Variants in ARPP21 observed in about 807,000 individuals in gnomAD.
The protein encoded by ARPP21 is cAMP regulated phosphoprotein 21.
In ARPP21, 69 loss-of-function variants were observed where a neutral mutation model predicts 113.2. The observed-to-expected ratio is 0.61, with a 90% confidence interval of 0.50 to 0.74. The LOEUF (loss-of-function observed/expected upper bound fraction) is 0.74, where lower values mean the gene tolerates loss of function less well. Ranked by LOEUF, ARPP21 falls within the 30% of genes least tolerant of loss-of-function variation. The probability of loss-of-function intolerance (pLI) is 0.00; values close to 1 mark genes in which losing one functional copy is unlikely to be tolerated. For missense variants in ARPP21, 1,070 were observed against 1,037.4 expected (o/e 1.03, Z -0.43); for synonymous variants, 368 against 375.5 (o/e 0.98, Z 0.23).
chr3:35,716,555 A>G (rs962072039), intron 12 of ARPP21, among the ~76,000 whole-genome samples: 1 of 152,076 alleles, frequency 6.6e-6, no homozygotes, highest in Non-Finnish European at 1.5e-5. Context: ...AAGTCCATAT[A>G]TATTTAGACA....
At chr3:35,771,288 A>G (rs2096190915) in intron 19 of ARPP21, among the ~76,000 whole-genome samples, 1 of 151,796 alleles carries the variant, frequency 6.6e-6, no homozygotes, top group Non-Finnish European at 1.5e-5. Context: ...CTCTAGAGTT[A>G]AGAAGTTTAT....
chr3:35,696,239 C>T (rs539311730), intron 9 of ARPP21, among the ~76,000 whole-genome samples: 15 of 151,492 alleles, frequency 9.9e-5, no homozygotes, highest in Non-Finnish European at 1.8e-4. Flanking sequence ...AGGCATGGGG[C>T]TGGAACATTT....
intron 11 of ARPP21, among the ~76,000 whole-genome samples, chr3:35,712,215 C>T (rs2091335548): frequency 6.6e-6 from 1 of 152,026 alleles, no homozygotes; most frequent in Non-Finnish European, 1.5e-5. Context: ...GCAAAGAATC[C>T]AGCATAAGGA....
intron 9 of ARPP21, among the ~76,000 whole-genome samples, chr3:35,695,327 C>A (rs892160118): frequency 1.7e-4 from 26 of 151,460 alleles, no homozygotes; most frequent in Admixed American, 4.6e-4. Flanking sequence ...TATACACAGA[C>A]AAAACTTTCC....
At chr3:35,641,142 G>A (rs1012414122) in intron 1 of ARPP21, 12 of 152,212 alleles carry the variant, frequency 7.9e-5, no homozygotes, top group Admixed American at 7.9e-4. Flanking sequence ...AAGGCTGGTA[G>A]AAATCATTTT....
At chr3:35,667,330 T>C (rs1260159969) in intron 1 of ARPP21, among the ~76,000 whole-genome samples, 1 of 152,202 alleles carries the variant, frequency 6.6e-6, no homozygotes, top group Non-Finnish European at 1.5e-5. Flanking sequence ...GTGATAATGA[T>C]AATGGTAAAC....
chr3:35,671,763 G>A (rs375675866), intron 1 of ARPP21, among the ~76,000 whole-genome samples: 1 of 151,956 alleles, frequency 6.6e-6, no homozygotes, highest in East Asian at 1.9e-4. Context: ...AAGAAGTCAA[G>A]TGTGGAAGAA....
At chr3:35,724,362 G>C (rs1393209415) in intron 14 of ARPP21, among the ~76,000 whole-genome samples, 2 of 152,144 alleles carry the variant, frequency 1.3e-5, no homozygotes, top group African/African-American at 4.8e-5. Flanking sequence ...ATAAGAGTAT[G>C]ACATCTGTTT....
intron 14 of ARPP21, among the ~76,000 whole-genome samples, chr3:35,726,681 G>C (rs535510262): frequency 6.6e-6 from 1 of 152,132 alleles, no homozygotes; most frequent in African/African-American, 2.4e-5. Context: ...CTTTGGATTG[G>C]ATTGTGACAC....
rs374241256 is a variant in ARPP21 at position 35,737,252 on chromosome 3, G to A, written c.1534G>A (p.Ala512Thr). The change falls in exon 16 of 21, where the codon GCC (alanine) becomes ACC (threonine). Residue 512 changes from alanine (A) to threonine (T), a missense_variant. By Grantham distance (58) the Ala-to-Thr change is moderately conservative. Transcript: ENST00000684406. ...CACCAGTCAGCAGCCCCTGCGAAGC[G>A]CCATGGTGGGGCAGTCCCAACAGCA... is the stretch of plus-strand genomic sequence containing the variant. ...PPTSQQPLRS[A>T]MVGQSQQQPP... is the part of the protein sequence containing the mutation. 13 of 1,612,786 alleles carry A rather than the reference G, an allele frequency of 8.1e-6. No homozygotes were observed. Among genetic ancestry groups the A allele is most frequent in the African/African-American group, 4.0e-5 (3 of 75,014 alleles).
At chr3:35,730,155 AT>A (rs2093846568) in intron 15 of ARPP21, among the ~76,000 whole-genome samples, 1 of 152,198 alleles carries the variant, frequency 6.6e-6, no homozygotes, top group South Asian at 2.1e-4. Flanking sequence ...TCATTTTATG[AT>A]TACGGTTTCT....
At chr3:35,774,527 A>T (rs1422024064) in intron 19 of ARPP21, among the ~76,000 whole-genome samples, 1 of 152,094 alleles carries the variant, frequency 6.6e-6, no homozygotes, top group Non-Finnish European at 1.5e-5. Context: ...AATACTTAGA[A>T]TCCTTCTGGA....
At position 35,668,033 on chromosome 3, in the gene ARPP21, G is replaced by A. The variant is rs539791877; in HGVS notation, c.-212-11754G>A. 5.2e-3 allele frequency among the ~76,000 whole-genome samples: 568 copies of A among 109,496 alleles called. 5 individuals carry two copies. Among genetic ancestry groups the A allele is most frequent in the African/African-American group, 0.02 (512 of 26,218 alleles). The allele number at this position is 109,496 out of a possible 152,430, so 71.8% of individuals were successfully genotyped here. A position where few individuals can be genotyped will look rare whatever the true frequency, so the allele number is the denominator to read the frequency against. ...GAAGAAGAAGAAGAAGAAGAAGAAG[G>A]AGAAGAAGAAGAAAGAAGAAAGTCA... is the stretch of plus-strand genomic sequence containing the variant. On this transcript the variant is annotated intron_variant, in intron 1 of 20. Coordinates refer to ENST00000684406, the MANE Select transcript of ARPP21 (RefSeq NM_001385562.1).
intron 9 of ARPP21, among the ~76,000 whole-genome samples, chr3:35,693,125 A>C (rs2082734880): frequency 2.0e-5 from 3 of 151,646 alleles, no homozygotes; most frequent in Admixed American, 2.0e-4. Flanking sequence ...AAGTGTGTGC[A>C]GAGAACACCC....
chr3:35,778,323 G>GC (rs1265685721), intron 19 of ARPP21, among the ~76,000 whole-genome samples: 1 of 152,076 alleles, frequency 6.6e-6, no homozygotes, highest in East Asian at 1.9e-4. Context: ...AGGTTCCTTT[G>GC]CCCCCTGGTT....
At position 35,659,997 on chromosome 3, in the gene ARPP21, A is replaced by G. The variant is rs565984068; in HGVS notation, c.-213+19599A>G. On this transcript the variant is annotated intron_variant, in intron 1 of 20. Transcript: ENST00000684406. ...AAGAGTCACAGGTGTGCATTGCACC[A>G]TCTGCTGGCATAGGGAGAGCATGAG... 2.0e-5 allele frequency among the ~76,000 whole-genome samples: 3 copies of G among 152,278 alleles called. No homozygotes were observed. In the East Asian group the frequency reaches 5.8e-4, roughly 30 times the overall value.
intron 1 of ARPP21, among the ~76,000 whole-genome samples, chr3:35,647,648 A>G (rs1040607460): frequency 6.6e-6 from 1 of 152,186 alleles, no homozygotes; most frequent in African/African-American, 2.4e-5. Context: ...TACCTTCATA[A>G]ATATGCAATT....
intron 5 of ARPP21, among the ~76,000 whole-genome samples, chr3:35,686,346 C>T (rs927940358): frequency 2.0e-5 from 3 of 151,714 alleles, no homozygotes; most frequent in Admixed American, 2.0e-4. Context: ...TCAGGTTTTA[C>T]AAAGTTTATA....
At position 35,668,011 on chromosome 3, in the gene ARPP21, G is replaced by GAAGAAGAAA. The variant is rs1559549958; in HGVS notation, c.-212-11768_-212-11767insAAAGAAGAA. Among the ~76,000 whole-genome samples the GAAGAAGAAA allele has an allele frequency of 1.0e-3, 156 of 150,092 alleles. 1 individual carries two copies. The highest frequency in any genetic ancestry group is 3.6e-3 in the African/African-American group (145 of 40,268). On this transcript the variant is annotated intron_variant, in intron 1 of 20. Transcript: ENST00000684406. Reference sequence around the variant, plus strand: ...AGAAGAAGAAGAAGAAGAAGAAGAAGAAGAAGAAGAAGAAGAAGAAGGAGA... The same window carrying GAAGAAGAAA: ...AGAAGAAGAAGAAGAAGAAGAAGAAGAAGAAGAAAAAGAAGAAGAAGAAGAAGAAGGAGA...
Sources: gnomAD v4.1 joint callset for allele counts (sites outside exome capture counted in the v4.1 genomes callset) on GRCh38, gnomAD v4.1.1 for gene constraint, MANE v1.5 for transcripts, NCBI Gene and HGNC (gene_info 2026-07-23, HGNC 2026-07-21) for gene names.